Variants in TENM2 observed in about 807,000 individuals in gnomAD.
TENM2 encodes the protein teneurin transmembrane protein 2.
In TENM2, 52 loss-of-function variants were observed where a neutral mutation model predicts 245.2. The observed-to-expected ratio is 0.21, with a 90% CI of 0.17 to 0.27. The LOEUF is 0.27. TENM2 is among the 10% of genes least tolerant of loss of function. TENM2 has a pLI of 1.00. For missense variants in TENM2, 3,046 were observed against 3,666.8 expected, an observed-to-expected ratio of 0.83 and a Z score of 4.37; for synonymous variants, 1,363 against 1,438.9, an observed-to-expected ratio of 0.95 and a Z score of 1.19.
chr5:167,501,617 A>C (rs1233600961), intron 2 of TENM2, among the ~76,000 whole-genome samples: 1 of 152,032 alleles, frequency 6.6e-6, no homozygotes, highest in African/African-American at 2.4e-5. Flanking sequence ...AAACTCTGCC[A>C]CTTTTCACAT....
At chr5:168,048,499 A>G (rs1045962456) in intron 6 of TENM2, among the ~76,000 whole-genome samples, 2 of 152,218 alleles carry the variant, frequency 1.3e-5, no homozygotes, top group Non-Finnish European at 2.9e-5. Flanking sequence ...CAGGCTTAGC[A>G]TTGTATAACT....
chr5:167,877,764 A>G (rs918404010), intron 3 of TENM2, among the ~76,000 whole-genome samples: 1 of 152,368 alleles, frequency 6.6e-6, no homozygotes, highest in Non-Finnish European at 1.5e-5. Flanking sequence ...GAAATTCTAT[A>G]TAATTAAAAA....
At chr5:167,209,519 G>C in the TENM2 span, among the ~76,000 whole-genome samples, 1 of 152,122 alleles carries the variant, frequency 6.6e-6, no homozygotes, top group East Asian at 1.9e-4. Flanking sequence ...CTCCCAAAGT[G>C]CTGGGATTAC....
the TENM2 span, among the ~76,000 whole-genome samples, chr5:167,278,018 T>C: frequency 6.6e-6 from 1 of 152,270 alleles, no homozygotes; most frequent in East Asian, 1.9e-4. Context: ...AAAATGACTT[T>C]CTTGGTGGAG....
chr5:168,176,422 C>T (rs934428186), intron 13 of TENM2, among the ~76,000 whole-genome samples: 2 of 152,232 alleles, frequency 1.3e-5, no homozygotes, highest in Admixed American at 6.5e-5. Context: ...TAGGCTTCTG[C>T]ACTTGCTGTT....
At chr5:167,824,221 A>G (rs1038281890) in intron 2 of TENM2, among the ~76,000 whole-genome samples, 1 of 152,156 alleles carries the variant, frequency 6.6e-6, no homozygotes, top group Non-Finnish European at 1.5e-5. Flanking sequence ...ATCCCTGCCT[A>G]TGTGCCTGAC....
rs149579948 is a variant in TENM2 at position 168,182,825 on chromosome 5, C to CT, written c.2570-7489dup. Among the ~76,000 whole-genome samples the CT allele has an allele frequency of 7.9e-3, 794 of 100,646 alleles. 6 individuals carry two copies. The highest frequency in any genetic ancestry group is 0.022 in the South Asian group (56 of 2,592). 66.0% of individuals were successfully genotyped at this position (100,646 alleles called of 152,430 possible). ...CCCTGTTCCTCCCCTTCAGGGTGCTCTTTTTTTTTTTTTTTTTTTTTTTGA... is the reference window on the plus strand; with the variant it reads ...CCCTGTTCCTCCCCTTCAGGGTGCTCTTTTTTTTTTTTTTTTTTTTTTTTGA... On this transcript the variant is annotated intron_variant, in intron 13 of 28. Transcript: ENST00000518659.
intron 2 of TENM2, among the ~76,000 whole-genome samples, chr5:167,814,555 G>T (rs1399527675): frequency 6.6e-6 from 1 of 151,292 alleles, no homozygotes; most frequent in African/African-American, 2.4e-5. Flanking sequence ...GCATATATGG[G>T]TGCCATGTAC....
the TENM2 span, among the ~76,000 whole-genome samples, chr5:167,221,847 G>A: frequency 2.6e-5 from 4 of 152,122 alleles, no homozygotes; most frequent in South Asian, 2.1e-4. Flanking sequence ...CAGATTAAAT[G>A]TACTCGTTAA....
At chr5:168,113,186 G>A (rs1427102098) in intron 9 of TENM2, among the ~76,000 whole-genome samples, 2 of 151,992 alleles carry the variant, frequency 1.3e-5, no homozygotes, top group African/African-American at 4.8e-5. Context: ...TGGGCATGGT[G>A]GTGCACACCT....
the TENM2 span, among the ~76,000 whole-genome samples, chr5:167,228,947 A>G: frequency 6.6e-6 from 1 of 151,864 alleles, no homozygotes; most frequent in Non-Finnish European, 1.5e-5. Flanking sequence ...TGATCCGCCC[A>G]CCTCGCCCTC....
At chr5:167,125,300 A>G in the TENM2 span, among the ~76,000 whole-genome samples, 1 of 152,248 alleles carries the variant, frequency 6.6e-6, no homozygotes, top group Non-Finnish European at 1.5e-5. Flanking sequence ...GAAGCAAGTA[A>G]TTATTCAGAT....
At chr5:168,206,071 C>A (rs555312170) in intron 19 of TENM2, among the ~76,000 whole-genome samples, 1 of 152,166 alleles carries the variant, frequency 6.6e-6, no homozygotes, top group Admixed American at 6.5e-5. Flanking sequence ...AAGACAGAAA[C>A]GAATCAAGGG....
intron 1 of TENM2, among the ~76,000 whole-genome samples, chr5:167,359,227 C>T (rs1439114057): frequency 6.6e-6 from 1 of 152,098 alleles, no homozygotes; most frequent in Non-Finnish European, 1.5e-5. Flanking sequence ...CCTCCAAAGC[C>T]ACACAGGACC....
intron 2 of TENM2, among the ~76,000 whole-genome samples, chr5:167,760,870 C>T (rs575260321): frequency 9.9e-5 from 15 of 152,218 alleles, no homozygotes; most frequent in South Asian, 8.3e-4. Flanking sequence ...AGGCTGGTCT[C>T]GAACTCCTGA....
At chr5:167,131,135 C>G in the TENM2 span, among the ~76,000 whole-genome samples, 5 of 152,082 alleles carry the variant, frequency 3.3e-5, no homozygotes, top group Non-Finnish European at 7.3e-5. Flanking sequence ...TTAGCAATAT[C>G]TCATCATGGT....
At chr5:167,198,324 C>A in the TENM2 span, among the ~76,000 whole-genome samples, 2 of 152,204 alleles carry the variant, frequency 1.3e-5, no homozygotes, top group East Asian at 3.9e-4. Context: ...AATTTGTTTT[C>A]AAAACTGCAT....
intron 1 of TENM2, among the ~76,000 whole-genome samples, chr5:167,292,283 G>C (rs1754684910): frequency 6.6e-6 from 1 of 152,100 alleles, no homozygotes; most frequent in South Asian, 2.1e-4. Context: ...TATCCAAGTG[G>C]GAAATTTAAT....
intron 3 of TENM2, among the ~76,000 whole-genome samples, chr5:167,931,549 TGGAAAAA>T (rs1458852586): frequency 1.3e-4 from 12 of 90,890 alleles, no homozygotes; most frequent in South Asian, 3.8e-4. Flanking sequence ...ATAAACCCAT[TGGAAAAA>T]AAAAAAAAAA....
Sources: allele counts gnomAD v4.1 joint callset (sites outside exome capture counted in the v4.1 genomes callset), GRCh38; gene constraint gnomAD v4.1.1; transcripts MANE v1.5; gene names NCBI Gene and HGNC (gene_info 2026-07-23, HGNC 2026-07-21).